GPC6: variants seen among roughly 807,000 people sequenced by gnomAD.
The protein encoded by GPC6 is glypican 6.
Under a neutral mutation model 55.2 loss-of-function variants are expected in GPC6, and 14 were observed. That is an observed-to-expected ratio of 0.25 (90% CI 0.17 to 0.40). GPC6 has a LOEUF of 0.40. GPC6 is among the 10% of genes least tolerant of loss of function. GPC6 has a pLI of 1.00. For missense variants in GPC6, 641 were observed against 708.5 expected (o/e 0.90, Z 1.08); for synonymous variants, 278 against 259.6 (o/e 1.07, Z -0.68).
chr13:93,443,950 A>G (rs1287548153), intron 1 of GPC6, among the ~76,000 whole-genome samples: 3 of 152,218 alleles, frequency 2.0e-5, no homozygotes, highest in African/African-American at 7.2e-5. Context: ...ATCATTTAGA[A>G]TAGCAGTAAC....
At chr13:93,497,672 C>G (rs554105268) in intron 1 of GPC6, among the ~76,000 whole-genome samples, 1 of 152,286 alleles carries the variant, frequency 6.6e-6, no homozygotes, top group East Asian at 1.9e-4. Flanking sequence ...GATAACGTAT[C>G]AGGTCTTTAA....
chr13:93,607,534 G>A (rs1878286247), intron 2 of GPC6, among the ~76,000 whole-genome samples: 3 of 152,136 alleles, frequency 2.0e-5, no homozygotes, highest in African/African-American at 2.4e-5. Context: ...TATTCCTGCA[G>A]CACAGAAACA....
intron 4 of GPC6, among the ~76,000 whole-genome samples, chr13:94,087,611 CT>C (rs912392195): frequency 6.6e-6 from 1 of 152,190 alleles, no homozygotes; most frequent in African/African-American, 2.4e-5. Context: ...AAGATAATGA[CT>C]GCTCAAGAGA....
intron 4 of GPC6, among the ~76,000 whole-genome samples, chr13:94,035,060 GTAGT>G (rs1297529993): frequency 4.0e-5 from 6 of 151,854 alleles, no homozygotes; most frequent in Admixed American, 6.6e-5. Context: ...ACTATTCAAG[GTAGT>G]TAGAGAATTT....
intron 1 of GPC6, among the ~76,000 whole-genome samples, chr13:93,363,450 CAA>C (rs1881124269): frequency 6.6e-6 from 1 of 152,126 alleles, no homozygotes; most frequent in Non-Finnish European, 1.5e-5. Flanking sequence ...CATGTTCCTA[CAA>C]AAGACATGAA....
intron 3 of GPC6, among the ~76,000 whole-genome samples, chr13:93,831,886 C>T (rs1404352838): frequency 3.3e-5 from 5 of 149,564 alleles, no homozygotes; most frequent in Admixed American, 2.7e-4. Context: ...GGCAGGAGAT[C>T]GAGACCATCC....
chr13:93,558,731 A>G (rs1875605022), intron 2 of GPC6, among the ~76,000 whole-genome samples: 1 of 152,200 alleles, frequency 6.6e-6, no homozygotes, highest in African/African-American at 2.4e-5. Flanking sequence ...GTTTGAAGTT[A>G]TGGAGACACA....
chr13:93,943,217 G>C (rs776051790), intron 3 of GPC6, among the ~76,000 whole-genome samples: 1 of 152,046 alleles, frequency 6.6e-6, no homozygotes, highest in Admixed American at 6.6e-5. Flanking sequence ...ACAGTATACT[G>C]AATTATAGTA....
At chr13:93,940,277 C>T (rs1330624008) in intron 3 of GPC6, among the ~76,000 whole-genome samples, 1 of 151,814 alleles carries the variant, frequency 6.6e-6, no homozygotes, top group East Asian at 1.9e-4. Context: ...TATTAAGTTG[C>T]CTTCACTATG....
At chr13:93,881,688 TC>T (rs1457882516) in intron 3 of GPC6, among the ~76,000 whole-genome samples, 1 of 152,006 alleles carries the variant, frequency 6.6e-6, no homozygotes, top group African/African-American at 2.4e-5. Context: ...TATCTCTGTA[TC>T]CATCCGTGTT....
At chr13:93,657,602 G>A (rs1880733389) in intron 2 of GPC6, among the ~76,000 whole-genome samples, 1 of 151,964 alleles carries the variant, frequency 6.6e-6, no homozygotes, top group African/African-American at 2.4e-5. Flanking sequence ...TTGACAAGTG[G>A]GATCTAATTA....
At chr13:93,234,353 C>T (rs1187431852) in intron 1 of GPC6, among the ~76,000 whole-genome samples, 1 of 152,170 alleles carries the variant, frequency 6.6e-6, no homozygotes, top group Non-Finnish European at 1.5e-5. Flanking sequence ...TCGTCCTCCC[C>T]CACCCCCATC....
chr13:93,880,200 C>A (rs1874870902), intron 3 of GPC6, among the ~76,000 whole-genome samples: 1 of 150,622 alleles, frequency 6.6e-6, no homozygotes, highest in Non-Finnish European at 1.5e-5. Context: ...TTTGACCCAG[C>A]CATCCCATTA....
At chr13:94,072,002 A>G (rs1884750800) in intron 4 of GPC6, among the ~76,000 whole-genome samples, 1 of 152,204 alleles carries the variant, frequency 6.6e-6, no homozygotes, top group African/African-American at 2.4e-5. Context: ...AAGCACAACT[A>G]ATGTCTTTTC....
At chr13:94,039,653 G>A (rs1467418239) in intron 4 of GPC6, among the ~76,000 whole-genome samples, 2 of 151,870 alleles carry the variant, frequency 1.3e-5, no homozygotes, top group African/African-American at 2.4e-5. Context: ...ACTGAAAATA[G>A]TAGTGTTCTA....
chr13:93,903,406 C>A (rs759476958), intron 3 of GPC6, among the ~76,000 whole-genome samples: 2 of 152,166 alleles, frequency 1.3e-5, no homozygotes, highest in Non-Finnish European at 2.9e-5. Flanking sequence ...TCCTCATATT[C>A]TTACCTTGCT....
intron 3 of GPC6, among the ~76,000 whole-genome samples, chr13:93,962,416 A>AT (rs1319298874): frequency 1.3e-5 from 2 of 151,844 alleles, no homozygotes; most frequent in Non-Finnish European, 2.9e-5. Flanking sequence ...GTTAGCAAAA[A>AT]ATATATATAT....
intron 3 of GPC6, among the ~76,000 whole-genome samples, chr13:93,988,338 C>T (rs1429591105): frequency 1.3e-5 from 2 of 152,124 alleles, no homozygotes; most frequent in Admixed American, 1.3e-4. Flanking sequence ...TCCCCAGACC[C>T]TTTGTGCCAG....
At chr13:93,805,462 A>G (rs1264527388) in intron 2 of GPC6, among the ~76,000 whole-genome samples, 1 of 152,288 alleles carries the variant, frequency 6.6e-6, no homozygotes, top group African/African-American at 2.4e-5. Context: ...AATCATATAC[A>G]TTTTAAAAGA....
Sources: gnomAD v4.1 joint callset for allele counts (sites outside exome capture counted in the v4.1 genomes callset) on GRCh38, gnomAD v4.1.1 for gene constraint, MANE v1.5 for transcripts, NCBI Gene and HGNC (gene_info 2026-07-23, HGNC 2026-07-21) for gene names.